IQGAP2: variants seen among roughly 807,000 people sequenced by gnomAD.
The protein encoded by IQGAP2 is IQ motif containing GTPase activating protein 2.
IQGAP2 carries 173 observed loss-of-function variants against 201.3 expected under a neutral mutation model. That is an observed-to-expected ratio of 0.86 (90% confidence interval 0.76 to 0.98). The LOEUF (loss-of-function observed/expected upper bound fraction) is 0.98. Ranked by LOEUF, IQGAP2 falls within the 50% of genes least tolerant of loss-of-function variation. IQGAP2 has a pLI of 0.00. For synonymous variants in IQGAP2, 675 were observed against 673.9 expected (o/e 1.00, Z -0.03); for missense variants, 1,687 against 1,864.8 (o/e 0.90, Z 1.76).
intron 2 of IQGAP2, among the ~76,000 whole-genome samples, chr5:76,506,247 G>A (rs532782773): frequency 8.5e-5 from 13 of 152,310 alleles, no homozygotes; most frequent in South Asian, 4.1e-4. Context: ...AGGGCAGGAC[G>A]AAGGACTGGG....
At chr5:76,698,210 T>C (rs1746934063) in intron 33 of IQGAP2, 63 bp downstream of exon 33, 2 of 1,323,614 alleles carry the variant, frequency 1.5e-6, no homozygotes, top group Admixed American at 4.1e-5. Context: ...GTCAATTCTG[T>C]GTTTCTAGGC....
chr5:76,645,274 A>G (rs922837083), intron 17 of IQGAP2, among the ~76,000 whole-genome samples: 3 of 152,134 alleles, frequency 2.0e-5, no homozygotes, highest in Non-Finnish European at 4.4e-5. Context: ...GTTGGTTCCA[A>G]TCCTTTGCTA....
intron 4 of IQGAP2, among the ~76,000 whole-genome samples, chr5:76,574,652 C>T (rs1252149429): frequency 6.6e-6 from 1 of 152,230 alleles, no homozygotes; most frequent in Non-Finnish European, 1.5e-5. Flanking sequence ...TCCCGTGACA[C>T]ACATTTACCT....
chr5:76,510,796 T>C (rs757694013), intron 2 of IQGAP2: 2 of 453,826 alleles, frequency 4.4e-6, no homozygotes, highest in Non-Finnish European at 8.8e-6. Flanking sequence ...TGCCCCCACC[T>C]CCAAGAGCCC....
At chr5:76,469,470 G>C (rs1269454779) in intron 2 of IQGAP2, among the ~76,000 whole-genome samples, 1 of 151,278 alleles carries the variant, frequency 6.6e-6, no homozygotes, top group Non-Finnish European at 1.5e-5. Context: ...GTGCGATCTC[G>C]GCTCACCGTA....
intron 17 of IQGAP2, among the ~76,000 whole-genome samples, chr5:76,643,938 A>G (rs1439338090): frequency 6.6e-6 from 1 of 151,288 alleles, no homozygotes; most frequent in Non-Finnish European, 1.5e-5. Context: ...TTTACCTTTG[A>G]GGAGAGGGAG....
At chr5:76,434,341 CT>C (rs1399092540) in intron 1 of IQGAP2, among the ~76,000 whole-genome samples, 1 of 152,026 alleles carries the variant, frequency 6.6e-6, no homozygotes, top group Non-Finnish European at 1.5e-5. Flanking sequence ...CCTATTTCCC[CT>C]CCCACCCTCC....
chr5:76,575,168 A>G (rs1323732184), intron 4 of IQGAP2, among the ~76,000 whole-genome samples: 4 of 152,204 alleles, frequency 2.6e-5, no homozygotes, highest in Non-Finnish European at 5.9e-5. Context: ...TTCATACCTT[A>G]TATACTTTCC....
chr5:76,497,470 C>T (rs572751020), intron 2 of IQGAP2, among the ~76,000 whole-genome samples: 3 of 152,302 alleles, frequency 2.0e-5, no homozygotes, highest in Admixed American at 6.5e-5. Flanking sequence ...AATAAGTACT[C>T]ATTTCAGTGA....
chr5:76,691,680 G>A (rs1433148704), intron 30 of IQGAP2: 1 of 152,152 alleles, frequency 6.6e-6, no homozygotes, highest in Non-Finnish European at 1.5e-5. Context: ...AGCAGCAAAG[G>A]GTCATGGGGC....
chr5:76,586,866 A>G (rs1746283235), intron 5 of IQGAP2, among the ~76,000 whole-genome samples: 1 of 152,212 alleles, frequency 6.6e-6, no homozygotes, highest in Admixed American at 6.5e-5. Context: ...GTACCCCAAG[A>G]TACAACTTTG....
intron 19 of IQGAP2, among the ~76,000 whole-genome samples, 159 bp downstream of exon 19, chr5:76,654,430 T>A (rs1451893037): frequency 6.6e-6 from 1 of 152,238 alleles, no homozygotes; most frequent in Non-Finnish European, 1.5e-5. Context: ...GGAGGCTTAC[T>A]GTTTTCATTC....
At chr5:76,695,274 G>GA (rs1426887833) in intron 31 of IQGAP2, among the ~76,000 whole-genome samples, 180 bp from the exon 32 acceptor site, 1 of 152,188 alleles carries the variant, frequency 6.6e-6, no homozygotes, top group Non-Finnish European at 1.5e-5. Flanking sequence ...CTATCGAAAA[G>GA]ATGAAGTAAT....
In IQGAP2 at chr5:76,463,424, G is replaced by T. The variant is rs190256440; in HGVS notation, c.146+1755G>T. Among the ~76,000 whole-genome samples the T allele has an allele frequency of 8.2e-4, 125 of 152,270 alleles. 1 individual carries two copies. Among genetic ancestry groups the T allele is most frequent in the Non-Finnish European group, 1.5e-3 (105 of 68,014 alleles). ...AGTTCAATTTGTCCCCTCTGTAAATGAGACAATCAAGATGATGTTACTTAT... is the reference window on the plus strand; with the variant it reads ...AGTTCAATTTGTCCCCTCTGTAAATTAGACAATCAAGATGATGTTACTTAT... On this transcript the variant is annotated intron_variant, in intron 2 of 35. Transcript: ENST00000274364.
intron 17 of IQGAP2, among the ~76,000 whole-genome samples, chr5:76,647,823 C>CCACACACACACACACACACACA (rs374577768): frequency 1.6e-4 from 10 of 62,582 alleles, no homozygotes; most frequent in African/African-American, 4.5e-4. Context: ...TAGCCAAACA[C>CCACACACACACACACACACACA]CACACACACA....
At chr5:76,446,764 T>C (rs1753415722) in intron 1 of IQGAP2, among the ~76,000 whole-genome samples, 1 of 152,230 alleles carries the variant, frequency 6.6e-6, no homozygotes, top group African/African-American at 2.4e-5. Context: ...CAAATTAGAA[T>C]GATCCTACCC....
chr5:76,458,756 A>C (rs1197145860), intron 1 of IQGAP2, among the ~76,000 whole-genome samples: 1 of 152,238 alleles, frequency 6.6e-6, no homozygotes, highest in Non-Finnish European at 1.5e-5. Flanking sequence ...TAAAGTCCAC[A>C]GAATGGTGCT....
rs547583217 is a variant in IQGAP2 at position 76,560,895 on chromosome 5, A to G, written c.147-1501A>G. ...AACCTTGAATAGACTGTTTTTGCAT[A>G]TAGATACATACCTATGCTCAGGTTT... On this transcript the variant is annotated intron_variant, in intron 2 of 35. Transcript: ENST00000274364. Among the ~76,000 whole-genome samples, 263 of 152,358 alleles carry G rather than the reference A, an allele frequency of 1.7e-3. 1 individual carries two copies. Among genetic ancestry groups the G allele is most frequent in the African/African-American group, 6.2e-3 (257 of 41,586 alleles).
chr5:76,529,937 A>ATG (rs1759193705), intron 2 of IQGAP2, among the ~76,000 whole-genome samples: 1 of 152,188 alleles, frequency 6.6e-6, no homozygotes, highest in Admixed American at 6.5e-5. Flanking sequence ...ATCTCTGAGC[A>ATG]ACTGGTAATC....
Sources: allele counts gnomAD v4.1 joint callset (sites outside exome capture counted in the v4.1 genomes callset), GRCh38; gene constraint gnomAD v4.1.1; transcripts MANE v1.5; gene names NCBI Gene and HGNC (gene_info 2026-07-23, HGNC 2026-07-21).